CCDC73: variants seen among roughly 807,000 people sequenced by gnomAD.
CCDC73 encodes coiled-coil domain containing 73, also known as coiled-coil domain-containing protein 73.
Under a neutral mutation model 116.5 loss-of-function variants are expected in CCDC73, and 95 were observed. That is an observed-to-expected ratio of 0.82 (90% confidence interval 0.69 to 0.97). The LOEUF is 0.97. Ranked by LOEUF, CCDC73 falls within the 50% of genes least tolerant of loss-of-function variation. The pLI is 0.00. For synonymous variants in CCDC73, 398 were observed against 401.3 expected (o/e 0.99, Z 0.10); for missense variants, 1,066 against 1,206.8 (o/e 0.88, Z 1.73).
chr11:32,770,204 AC>A (rs1850480405), intron 1 of CCDC73, among the ~76,000 whole-genome samples: 1 of 152,028 alleles, frequency 6.6e-6, no homozygotes, highest in Non-Finnish European at 1.5e-5. Flanking sequence ...CATGGTTTTC[AC>A]CCCAGACTTC....
Position 32,773,623 on chromosome 11 carries a change from C to T in CCDC73, c.-15-13365G>A, listed in dbSNP as rs982256666. ...AGTGAGACCCCCATCTTCACAAACA[C>T]ACACACACACACAAAGTCAGGCATG... On this transcript the variant is annotated intron_variant, in intron 1 of 17. Coordinates refer to ENST00000335185, the MANE Select transcript of CCDC73 (RefSeq NM_001008391.4). Among the ~76,000 whole-genome samples the T allele has an allele frequency of 2.0e-5, 3 of 151,862 alleles. No individual in the cohort carries two copies. The East Asian group carries it at 5.8e-4, about 29-fold the overall frequency.
intron 12 of CCDC73, among the ~76,000 whole-genome samples, chr11:32,644,854 T>C (rs1481936197): frequency 6.6e-6 from 1 of 152,218 alleles, no homozygotes; most frequent in Non-Finnish European, 1.5e-5. Flanking sequence ...CAACACTGTA[T>C]GTAGCCTTTT....
At position 32,614,477 on chromosome 11, in the gene CCDC73, G is replaced by T; in HGVS notation, c.1841C>A (p.Ala614Asp). The T allele has an allele frequency of 6.2e-7, 1 of 1,613,160 alleles. No individual in the cohort carries two copies. The highest frequency in any genetic ancestry group is 8.5e-7 in the Non-Finnish European group (1 of 1,179,422). ...ACTATTTGTAATTTCCTTCTCTAGA[G>T]CATGTTCTCGAGTCCCTGGAAGCAA... ...FRLLPGTREH[A>D]LEKEITNSDQ... The change falls in exon 16 of 18, where the codon GCT becomes GAT. Residue 614 changes from alanine (A) to aspartate (D), a missense_variant. By Grantham distance (126) the Ala-to-Asp change is moderately radical (BLOSUM62 -2). Transcript: ENST00000335185.
chr11:32,650,107 A>G lies in CCDC73; in HGVS notation c.939+3016T>C, dbSNP rs143110026. Among the ~76,000 whole-genome samples, 1,050 of 152,320 alleles carry G rather than the reference A, an allele frequency of 6.9e-3. 12 individuals are homozygous for G. The highest frequency in any genetic ancestry group is 6.4e-3 in the Non-Finnish European group (437 of 68,018). On this transcript the variant is annotated intron_variant, in intron 12 of 17. Transcript: ENST00000335185. ...AACTCAGAGAAACACGTAACTGTAT[A>G]TAGGCTCTGTAGAATTCAGCAGTAT... is the stretch of plus-strand genomic sequence containing the variant.
intron 2 of CCDC73, among the ~76,000 whole-genome samples, chr11:32,751,655 G>T (rs1222273436): frequency 2.0e-5 from 3 of 152,200 alleles, no homozygotes; most frequent in Non-Finnish European, 2.9e-5. Flanking sequence ...CACTGCAGGG[G>T]CTGGGGGAGG....
chr11:32,671,170 C>A (rs7126059), intron 9 of CCDC73, among the ~76,000 whole-genome samples: 11,290 of 152,022 alleles, frequency 0.074, 477 homozygotes, highest in South Asian at 0.12. Context: ...ATAAATATTG[C>A]GCTCTTTTCT....
At chr11:32,757,676 G>T (rs1175299866) in intron 2 of CCDC73, among the ~76,000 whole-genome samples, 1 of 152,040 alleles carries the variant, frequency 6.6e-6, no homozygotes, top group Non-Finnish European at 1.5e-5. Context: ...TTTGTTCATA[G>T]CATCTTCCTC....
At chr11:32,818,819 C>T in the CCDC73 span, among the ~76,000 whole-genome samples, 1 of 152,098 alleles carries the variant, frequency 6.6e-6, no homozygotes, top group African/African-American at 2.4e-5. Context: ...CAAAAGACTA[C>T]GTATTGTATG....
At chr11:32,607,621 C>T (rs1855372020) in intron 17 of CCDC73, among the ~76,000 whole-genome samples, 1 of 149,720 alleles carries the variant, frequency 6.7e-6, no homozygotes. Context: ...GATTCTATGA[C>T]TTACCCAATT....
chr11:32,741,110 T>C (rs1020000438), intron 2 of CCDC73, among the ~76,000 whole-genome samples: 1 of 152,176 alleles, frequency 6.6e-6, no homozygotes, highest in African/African-American at 2.4e-5. Flanking sequence ...ACCTTGAGAA[T>C]GATCCATGTG....
intron 2 of CCDC73, among the ~76,000 whole-genome samples, chr11:32,759,030 ATGT>A (rs902254880): frequency 7.2e-5 from 11 of 152,058 alleles, no homozygotes; most frequent in African/African-American, 2.2e-4. Flanking sequence ...TATAATAAAA[ATGT>A]TGTTTCAGAT....
At chr11:32,779,963 T>TA (rs1322547488) in intron 1 of CCDC73, among the ~76,000 whole-genome samples, 5 of 152,220 alleles carry the variant, frequency 3.3e-5, no homozygotes, top group Middle Eastern at 3.4e-3. Context: ...AATGGTAATC[T>TA]AAAAAAAGTA....
chr11:32,799,619 T>C (rs1850753803), upstream of CCDC73, among the ~76,000 whole-genome samples: 1 of 152,250 alleles, frequency 6.6e-6, no homozygotes, highest in South Asian at 2.1e-4. Flanking sequence ...ATGTCATTTT[T>C]ACTTGATGTA....
chr11:32,614,424 ACGAGT>A lies in CCDC73; in HGVS notation c.1889_1893del (p.Asp630ValfsTer15). The stretch of plus-strand genomic sequence containing the variant: ...ACAGGATTTTTTTTTATATCTAGAG[ACGAGT>A]CCAAATCTGCTTTGGTTTGGTCACT... On this transcript the variant is annotated frameshift_variant, in exon 16 of 18. Transcript: ENST00000335185. LOFTEE classifies it high-confidence loss of function. The A allele has an allele frequency of 6.2e-7, 1 of 1,613,480 alleles. No homozygotes were observed. The highest frequency in any genetic ancestry group is 8.5e-7 in the Non-Finnish European group (1 of 1,179,728).
chr11:32,615,923 T>C lies in CCDC73; in HGVS notation c.1375+17A>G, dbSNP rs750105589. 30 of 1,508,468 alleles carry C rather than the reference T, an allele frequency of 2.0e-5. No individual in the cohort carries two copies. Among genetic ancestry groups the C allele is most frequent in the Admixed American group, 1.0e-4 (5 of 48,178 alleles). The allele number at this position is 1,508,468 out of a possible 1,614,324, so 93.4% of individuals were successfully genotyped here. On this transcript the variant is annotated intron_variant, in intron 15 of 17. Transcript: ENST00000335185. ...CAACATACAAATTAGAAAATATCAA[T>C]ATAATTTTAAGGTTACCATCTATAA...
At chr11:32,629,348 C>T (rs911833856) in intron 14 of CCDC73, among the ~76,000 whole-genome samples, 2 of 151,512 alleles carry the variant, frequency 1.3e-5, no homozygotes, top group Non-Finnish European at 2.9e-5. Flanking sequence ...TACCAAGGTA[C>T]ATCATAATCA....
chr11:32,695,661 T>C (rs1381813735), intron 6 of CCDC73, among the ~76,000 whole-genome samples: 1 of 151,848 alleles, frequency 6.6e-6, no homozygotes, highest in East Asian at 2.0e-4. Context: ...CATCAGTTGC[T>C]CTTTGGCAAT....
chr11:32,733,159 G>A (rs546672519), intron 2 of CCDC73, among the ~76,000 whole-genome samples: 38 of 152,200 alleles, frequency 2.5e-4, no homozygotes, highest in African/African-American at 7.5e-4. Flanking sequence ...ACAAAGATCA[G>A]AAGAGACAAA....
the CCDC73 span, among the ~76,000 whole-genome samples, chr11:32,826,537 A>G: frequency 1.3e-5 from 2 of 151,572 alleles, no homozygotes; most frequent in South Asian, 4.2e-4. Flanking sequence ...TCAGAGATGC[A>G]TTATCACATT....
Sources: allele counts gnomAD v4.1 joint callset (sites outside exome capture counted in the v4.1 genomes callset), GRCh38; gene constraint gnomAD v4.1.1; transcripts MANE v1.5; gene names NCBI Gene and HGNC (gene_info 2026-07-23, HGNC 2026-07-21).